PTPRT: variants seen among roughly 807,000 people sequenced by gnomAD.
PTPRT encodes the protein protein tyrosine phosphatase receptor type T, also known as receptor-type tyrosine-protein phosphatase T.
A neutral mutation model predicts 176.8 loss-of-function variants in PTPRT; 56 were observed. That is an observed-to-expected ratio of 0.32 (90% confidence interval 0.26 to 0.40). PTPRT has a LOEUF of 0.40. Ranked by LOEUF, PTPRT falls within the 10% of genes least tolerant of loss-of-function variation. The pLI, the probability that PTPRT is intolerant of heterozygous loss-of-function variation, is 1.00. For synonymous variants in PTPRT, 783 were observed against 739.0 expected (o/e 1.06, Z -0.96); for missense variants, 1,540 against 1,908.2 (o/e 0.81, Z 3.60).
At chr20:42,980,125 C>T (rs1040107784) in intron 1 of PTPRT, among the ~76,000 whole-genome samples, 1 of 152,122 alleles carries the variant, frequency 6.6e-6, no homozygotes, top group African/African-American at 2.4e-5. Flanking sequence ...ATTCAAGCTT[C>T]TATTTCCAAA....
intron 3 of PTPRT, among the ~76,000 whole-genome samples, chr20:42,782,433 A>T (rs1010899523): frequency 1.3e-5 from 2 of 152,202 alleles, no homozygotes; most frequent in African/African-American, 4.8e-5. Flanking sequence ...TGAATCCAAC[A>T]GATCTGCACA....
At chr20:42,508,885 T>A (rs1239580235) in intron 7 of PTPRT, among the ~76,000 whole-genome samples, 1 of 146,554 alleles carries the variant, frequency 6.8e-6, no homozygotes, top group Non-Finnish European at 1.5e-5. Context: ...TTAATTTATA[T>A]TTAATTTATA....
intron 1 of PTPRT, among the ~76,000 whole-genome samples, chr20:43,013,853 G>C (rs1383228576): frequency 6.6e-6 from 1 of 152,174 alleles, no homozygotes; most frequent in Non-Finnish European, 1.5e-5. Context: ...AGTCTTCAAT[G>C]GCTTTGTGAT....
At chr20:43,172,273 C>A (rs1303717188) in intron 1 of PTPRT, among the ~76,000 whole-genome samples, 4 of 152,242 alleles carry the variant, frequency 2.6e-5, no homozygotes. Context: ...AACTGACAAA[C>A]AGCTCTTCTA....
intron 20 of PTPRT, among the ~76,000 whole-genome samples, chr20:42,119,485 T>C (rs1987475133): frequency 6.6e-6 from 1 of 152,196 alleles, no homozygotes; most frequent in Non-Finnish European, 1.5e-5. Flanking sequence ...CGATCATTTT[T>C]AAGCCTTCTG....
chr20:42,493,923 A>G (rs2071604746), intron 7 of PTPRT, among the ~76,000 whole-genome samples: 1 of 150,666 alleles, frequency 6.6e-6, no homozygotes, highest in African/African-American at 2.5e-5. Context: ...CCTCCATTTA[A>G]CCTCCCCATC....
intron 1 of PTPRT, among the ~76,000 whole-genome samples, chr20:42,896,469 T>G (rs1168419732): frequency 1.3e-5 from 2 of 151,762 alleles, no homozygotes; most frequent in African/African-American, 4.8e-5. Context: ...AATCCCGTCT[T>G]CACTAAAAAT....
intron 27 of PTPRT, among the ~76,000 whole-genome samples, chr20:42,096,715 C>T (rs1985274290): frequency 6.6e-6 from 1 of 151,548 alleles, no homozygotes. Context: ...TCCTGAGTAA[C>T]TGGGACTATA....
chr20:42,988,255 G>A (rs764232115), intron 1 of PTPRT, among the ~76,000 whole-genome samples: 7 of 152,132 alleles, frequency 4.6e-5, no homozygotes, highest in Non-Finnish European at 7.4e-5. Flanking sequence ...TCATCAGAGG[G>A]GCCTCACTTT....
chr20:42,789,432 C>T (rs1162352313), intron 3 of PTPRT, among the ~76,000 whole-genome samples: 1 of 152,150 alleles, frequency 6.6e-6, no homozygotes, highest in African/African-American at 2.4e-5. Context: ...AAAAACAAGG[C>T]ACTACCTCCG....
chr20:42,147,281 TAG>T (rs1988910418), intron 17 of PTPRT, among the ~76,000 whole-genome samples: 1 of 152,184 alleles, frequency 6.6e-6, no homozygotes, highest in South Asian at 2.1e-4. Flanking sequence ...CCTGGGATCT[TAG>T]AGGTGTCAGT....
intron 13 of PTPRT, among the ~76,000 whole-genome samples, chr20:42,273,419 TG>T (rs996976150): frequency 6.6e-6 from 1 of 152,194 alleles, no homozygotes; most frequent in African/African-American, 2.4e-5. Context: ...TTCTTCTTGT[TG>T]GCCAGGCTAT....
chr20:42,108,952 T>TTTCTC (rs1986768838), intron 23 of PTPRT, among the ~76,000 whole-genome samples: 1 of 152,244 alleles, frequency 6.6e-6, no homozygotes, highest in Non-Finnish European at 1.5e-5. Flanking sequence ...TCTTTCTTTC[T>TTTCTC]TTCTCCCTAA....
At chr20:42,878,717 A>T (rs988211134) in intron 2 of PTPRT, among the ~76,000 whole-genome samples, 1 of 152,214 alleles carries the variant, frequency 6.6e-6, no homozygotes, top group Non-Finnish European at 1.5e-5. Flanking sequence ...CAAGTAGTAA[A>T]TGCCAGCTCC....
chr20:42,052,669 G>T, the PTPRT span, among the ~76,000 whole-genome samples: 1 of 152,088 alleles, frequency 6.6e-6, no homozygotes, highest in Non-Finnish European at 1.5e-5. Flanking sequence ...TCTCAGTTGG[G>T]CCCCAACCTC....
chr20:42,741,227 G>C (rs2076604720), intron 6 of PTPRT, among the ~76,000 whole-genome samples: 1 of 152,204 alleles, frequency 6.6e-6, no homozygotes, highest in Admixed American at 6.5e-5. Flanking sequence ...ACTTCTGTTG[G>C]CATCATGGTT....
chr20:42,441,712 A>G (rs1385194408), intron 9 of PTPRT, among the ~76,000 whole-genome samples: 1 of 152,158 alleles, frequency 6.6e-6, no homozygotes, highest in Non-Finnish European at 1.5e-5. Context: ...CTATTTTGGC[A>G]AGAGAAATAA....
intron 14 of PTPRT, among the ~76,000 whole-genome samples, chr20:42,244,693 G>A (rs1204591149): frequency 6.6e-6 from 1 of 152,100 alleles, no homozygotes; most frequent in East Asian, 1.9e-4. Flanking sequence ...GTGTCCCAAG[G>A]GATAAAATCG....
intron 7 of PTPRT, among the ~76,000 whole-genome samples, chr20:42,621,680 G>T (rs1315518495): frequency 6.6e-6 from 1 of 151,888 alleles, no homozygotes; most frequent in East Asian, 1.9e-4. Context: ...GCATTTCTTG[G>T]CATTGTTTTC....
Sources: gnomAD v4.1 joint callset for allele counts (sites outside exome capture counted in the v4.1 genomes callset) on GRCh38, gnomAD v4.1.1 for gene constraint, MANE v1.5 for transcripts, NCBI Gene and HGNC (gene_info 2026-07-23, HGNC 2026-07-21) for gene names.